Variants in GABRB1 observed in about 807,000 individuals in gnomAD.
GABRB1 encodes gamma-aminobutyric acid type A receptor subunit beta1.
A neutral mutation model predicts 51.6 loss-of-function variants in GABRB1; 17 were observed. The ratio of observed to expected loss-of-function variants is 0.33; its 90% CI spans 0.23 to 0.49. The LOEUF (loss-of-function observed/expected upper bound fraction) is 0.49. Ranked by LOEUF, GABRB1 falls within the 20% of genes least tolerant of loss-of-function variation. The probability of loss-of-function intolerance (pLI) is 0.99; values close to 1 mark genes in which losing one functional copy is unlikely to be tolerated. For synonymous variants in GABRB1, 247 were observed against 218.9 expected, an observed-to-expected ratio of 1.13 and a Z score of -1.14; for missense variants, 410 against 600.6, an observed-to-expected ratio of 0.68 and a Z score of 3.32.
chr4:46,994,851 G>A (rs576556949), intron 1 of GABRB1, among the ~76,000 whole-genome samples: 1 of 152,306 alleles, frequency 6.6e-6, no homozygotes, highest in South Asian at 2.1e-4. Context: ...AAATTGAGAT[G>A]ACTAGTGGAC....
At chr4:47,293,621 A>G (rs1415355172) in intron 4 of GABRB1, among the ~76,000 whole-genome samples, 1 of 152,252 alleles carries the variant, frequency 6.6e-6, no homozygotes, top group Admixed American at 6.5e-5. Flanking sequence ...TGAACATTTA[A>G]TTAAGATAAG....
intron 1 of GABRB1, among the ~76,000 whole-genome samples, chr4:47,001,304 A>G (rs113294607): frequency 0.031 from 4,637 of 151,456 alleles, 105 homozygotes; most frequent in African/African-American, 0.059. Flanking sequence ...CACCACGCCC[A>G]GCTAATTTTT....
At chr4:47,188,485 G>A (rs1266953713) in intron 4 of GABRB1, among the ~76,000 whole-genome samples, 1 of 151,794 alleles carries the variant, frequency 6.6e-6, no homozygotes, top group Non-Finnish European at 1.5e-5. Context: ...GGTAAATAAT[G>A]TTGTGTTTGT....
intron 4 of GABRB1, among the ~76,000 whole-genome samples, chr4:47,284,488 C>T (rs1005532835): frequency 1.3e-5 from 2 of 152,240 alleles, no homozygotes; most frequent in African/African-American, 4.8e-5. Flanking sequence ...TCTCAACACT[C>T]TACTATGTAG....
At chr4:47,034,081 T>C (rs1007557195) in intron 3 of GABRB1, among the ~76,000 whole-genome samples, 2 of 152,210 alleles carry the variant, frequency 1.3e-5, no homozygotes, top group Non-Finnish European at 2.9e-5. Context: ...GTTAATATTT[T>C]TCCTTTTCAA....
rs191011500 is a variant in GABRB1 at position 47,052,786 on chromosome 4, C to T, written c.240+20302C>T. Reference sequence around the variant, plus strand: ...TGCATCTTCCTGTCAATGTATCCATCGCTTTGCGGATCAGCTTCTGAAGCA... The same window carrying T: ...TGCATCTTCCTGTCAATGTATCCATTGCTTTGCGGATCAGCTTCTGAAGCA... On this transcript the variant is annotated intron_variant, in intron 3 of 8. Transcript: ENST00000295454. Among the ~76,000 whole-genome samples, 185 of 152,262 alleles carry T rather than the reference C, an allele frequency of 1.2e-3. 1 individual carries two copies. The highest frequency in any genetic ancestry group is 4.1e-3 in the African/African-American group (172 of 41,540).
At chr4:47,351,205 G>A (rs1452483178) in intron 5 of GABRB1, among the ~76,000 whole-genome samples, 1 of 152,126 alleles carries the variant, frequency 6.6e-6, no homozygotes, top group Admixed American at 6.5e-5. Flanking sequence ...CACCATATTG[G>A]AAAACTGTGA....
At chr4:47,038,043 A>G (rs1725672564) in intron 3 of GABRB1, among the ~76,000 whole-genome samples, 3 of 152,104 alleles carry the variant, frequency 2.0e-5, no homozygotes, top group Non-Finnish European at 4.4e-5. Context: ...TAATTGCTAA[A>G]CCCTTTTCCA....
intron 3 of GABRB1, among the ~76,000 whole-genome samples, chr4:47,070,624 G>A (rs545374131): frequency 1.9e-4 from 29 of 152,196 alleles, no homozygotes; most frequent in Non-Finnish European, 4.0e-4. Context: ...GAGCCACCGC[G>A]CCCGGCCTGC....
intron 4 of GABRB1, among the ~76,000 whole-genome samples, chr4:47,267,079 T>C (rs1722666905): frequency 6.6e-6 from 1 of 152,048 alleles, no homozygotes; most frequent in Non-Finnish European, 1.5e-5. Context: ...TGCCTTACTA[T>C]TAAAATGAAC....
At chr4:47,124,180 A>AG (rs1716005814) in intron 3 of GABRB1, among the ~76,000 whole-genome samples, 1 of 151,564 alleles carries the variant, frequency 6.6e-6, no homozygotes, top group African/African-American at 2.4e-5. Context: ...AATTTATGAG[A>AG]GAAACCTCAT....
intron 4 of GABRB1, among the ~76,000 whole-genome samples, chr4:47,224,813 G>A (rs371034766): frequency 7.9e-5 from 12 of 152,100 alleles, no homozygotes; most frequent in African/African-American, 2.9e-4. Flanking sequence ...TTTAATAAAT[G>A]TTCTTCCTCT....
rs1723295581 is a variant in GABRB1 at position 47,281,571 on chromosome 4, T to A, written c.462-38556T>A. Among the ~76,000 whole-genome samples, 3 of 152,266 alleles carry A rather than the reference T, an allele frequency of 2.0e-5. No homozygotes were observed. The South Asian group carries it at 6.2e-4, about 32-fold the overall frequency. ...ATATATCCAAAGGACTTTAAATCAG[T>A]ATGTTGAAGAGATATCTGCACTTCT... On this transcript the variant is annotated intron_variant, in intron 4 of 8. Coordinates refer to ENST00000295454, the MANE Select transcript of GABRB1 (RefSeq NM_000812.4).
chr4:47,282,073 A>T (rs756311783), intron 4 of GABRB1, among the ~76,000 whole-genome samples: 1 of 152,226 alleles, frequency 6.6e-6, no homozygotes, highest in South Asian at 2.1e-4. Flanking sequence ...AATTGTTAAA[A>T]TGATTGATAT....
At chr4:47,313,532 A>G (rs1234155103) in intron 4 of GABRB1, among the ~76,000 whole-genome samples, 1 of 152,128 alleles carries the variant, frequency 6.6e-6, no homozygotes, top group Non-Finnish European at 1.5e-5. Flanking sequence ...AGAGATACTC[A>G]TTGTTGCTTC....
chr4:47,117,071 G>A (rs1198642636), intron 3 of GABRB1, among the ~76,000 whole-genome samples: 1 of 152,126 alleles, frequency 6.6e-6, no homozygotes, highest in Non-Finnish European at 1.5e-5. Context: ...TTAGGTATGA[G>A]ATTTGGTGGG....
At chr4:47,308,993 T>C (rs960062220) in intron 4 of GABRB1, among the ~76,000 whole-genome samples, 4 of 152,168 alleles carry the variant, frequency 2.6e-5, no homozygotes, top group Admixed American at 1.3e-4. Context: ...AGAATAAAGA[T>C]GCTTTAATTT....
At chr4:47,308,514 C>T (rs567686432) in intron 4 of GABRB1, among the ~76,000 whole-genome samples, 4 of 152,154 alleles carry the variant, frequency 2.6e-5, no homozygotes, top group Admixed American at 2.0e-4. Context: ...TGTTCTCAAA[C>T]AACACAGTAT....
chr4:47,030,636 A>G (rs1241681275), upstream of GABRB1, among the ~76,000 whole-genome samples: 1 of 152,206 alleles, frequency 6.6e-6, no homozygotes, highest in Admixed American at 6.5e-5. Flanking sequence ...TCTGCCTAAC[A>G]TGTGCTCAAT....
Sources: allele counts gnomAD v4.1 joint callset (sites outside exome capture counted in the v4.1 genomes callset), GRCh38; gene constraint gnomAD v4.1.1; transcripts MANE v1.5; gene names NCBI Gene and HGNC (gene_info 2026-07-23, HGNC 2026-07-21).